The following EML3 variants were observed in gnomAD, a reference collection of about 807,000 sequenced individuals.
EML3 encodes the protein EMAP like 3.
A neutral mutation model predicts 106.7 loss-of-function variants in EML3; 53 were observed. That is an observed-to-expected ratio of 0.50 (90% CI 0.40 to 0.62). EML3 has a LOEUF of 0.62. Ranked by LOEUF, EML3 falls within the 20% of genes least tolerant of loss-of-function variation. The probability of loss-of-function intolerance (pLI) is 0.00; values close to 1 mark genes in which losing one functional copy is unlikely to be tolerated. For synonymous variants in EML3, 499 were observed against 489.6 expected (o/e 1.02, Z -0.25); for missense variants, 994 against 1,209.1 (o/e 0.82, Z 2.64).
Position 62,611,615 on chromosome 11 carries a change from G to T in EML3, c.23-19C>A. 6.2e-7 allele frequency: 1 copy of T among 1,608,220 alleles called. No individual in the cohort carries two copies. The highest frequency in any genetic ancestry group is 1.7e-5 in the Admixed American group (1 of 59,020). ...CCGTCACCTGGGAAAAGGGCAAGAG[G>T]TACTCAGAATGTACCCATCACCTGA... On this transcript the variant is annotated intron_variant, in intron 1 of 21. Transcript: ENST00000394773.
Position 62,603,960 on chromosome 11 carries a change from C to T in EML3, c.2153G>A (p.Arg718His), listed in dbSNP as rs1340847328. The change falls in exon 18 of 22, where the codon CGC becomes CAC. Residue 718 changes from arginine (R) to histidine (H), a missense_variant. Arg to His is a conservative substitution (Grantham distance 29). Transcript: ENST00000394773. ...SVSSDGAKSS[R>H]FGRCMGHSSF... ...CTTCCTCACCATACAGCGGCCAAAG[C>T]GGCTGGATTTGGCACCATCACTGGA... 5 of 1,613,960 alleles carry T rather than the reference C, an allele frequency of 3.1e-6. No homozygotes were observed. The highest frequency in any genetic ancestry group is 4.2e-6 in the Non-Finnish European group (5 of 1,180,042).
In EML3 at chr11:62,609,212, C is replaced by G. The variant is rs1036798918; in HGVS notation, c.759-80G>C. On this transcript the variant is annotated intron_variant, in intron 6 of 21. Transcript: ENST00000394773. ...GAGGGGAGAAAGACAGAGCTTCTGG[C>G]TGGCAGGGCCTAGAGCAGAATGATG... 1.2e-5 allele frequency: 19 copies of G among 1,590,202 alleles called. No homozygotes were observed. In the African/African-American group the frequency reaches 2.3e-4, roughly 19 times the overall value.
In EML3 at chr11:62,608,593, A is replaced by G. The variant is rs768276464; in HGVS notation, c.1059T>C (p.Ile353=). 11 of 1,614,066 alleles carry G rather than the reference A, an allele frequency of 6.8e-6. No individual in the cohort carries two copies. The African/African-American group carries it at 1.5e-4, about 22-fold the overall frequency. ...DSETLLKLQE[I]GLGAFERGVG... is the part of the protein sequence containing the mutation. ...CACCCCGCTCGAAGGCCCCCAGTCCAATCTCCTGCAGTTTCAACAGCGTCT... is the reference window on the plus strand; with the variant it reads ...CACCCCGCTCGAAGGCCCCCAGTCCGATCTCCTGCAGTTTCAACAGCGTCT... The change falls in exon 9 of 22, where the codon ATT becomes ATC. Residue 353 remains isoleucine, a synonymous_variant. Coordinates refer to ENST00000394773, the MANE Select transcript of EML3 (RefSeq NM_153265.3).
At chr11:62,611,788 G>A (rs552500868) in intron 1 of EML3, 192 bp from the exon 2 acceptor site, 5 of 641,720 alleles carry the variant, frequency 7.8e-6, no homozygotes, top group South Asian at 6.3e-5. Flanking sequence ...CAGGGCAGGC[G>A]AGAAACCTGG....
chr11:62,602,508 G>C lies in EML3; in HGVS notation c.2658C>G (p.Pro886=), dbSNP rs984880588. Residue 886 remains proline, a synonymous_variant, in exon 22 of 22, where the codon CCC becomes CCG. Coordinates refer to ENST00000394773, the MANE Select transcript of EML3 (RefSeq NM_153265.3). ...CGAGGGAGGAGGCGGGGGACAGGGA[G>C]GGGGTTCGAGAGGGCGTGGCGGGCG... The part of the protein sequence containing the change: ...GPAPATPSRT[P]SLSPASSLDV 9.7e-5 allele frequency: 148 copies of C among 1,519,206 alleles called. No homozygotes were observed. Among genetic ancestry groups the C allele is most frequent in the Non-Finnish European group, 1.3e-4 (147 of 1,132,024 alleles). 94.1% of individuals were successfully genotyped at this position (1,519,206 alleles called of 1,614,324 possible). A position where few individuals can be genotyped will look rare whatever the true frequency, so the allele number is the denominator to read the frequency against.
At chr11:62,603,667 C>G (rs117283860) in intron 19 of EML3, 62 bp downstream of exon 19, 117 of 1,394,298 alleles carry the variant, frequency 8.4e-5, no homozygotes, top group South Asian at 2.8e-4. Flanking sequence ...CTCTAACAGC[C>G]CCCCCTACAC....
At position 62,604,125 on chromosome 11, in the gene EML3, G is replaced by C; in HGVS notation, c.2059C>G (p.Arg687Gly). 1 of 1,613,986 alleles carries C rather than the reference G, an allele frequency of 6.2e-7. No individual in the cohort carries two copies. The highest frequency in any genetic ancestry group is 8.5e-7 in the Non-Finnish European group (1 of 1,180,006). Reference protein sequence around the residue: ...IDGNEQLSVVRYSPDGLYLAI... With the variant: ...IDGNEQLSVVGYSPDGLYLAI... ...GGGTGGCTCCCACCTGGGCTGTACC[G>C]GACCACTGAGAGCTGCTCATTGCCA... The change falls in exon 17 of 22, where the codon CGG becomes GGG. Residue 687 changes from arginine to glycine, a missense_variant. Arg to Gly is a moderately radical substitution (Grantham distance 125). Transcript: ENST00000394773.
intron 11 of EML3, 176 bp from the exon 12 acceptor site, chr11:62,607,275 C>A (rs1028593168): frequency 1.5e-6 from 1 of 664,752 alleles, no homozygotes; most frequent in Non-Finnish European, 2.5e-6. Context: ...TGGTGAAATC[C>A]CGCACTGCAC....
At chr11:62,606,814 G>A (rs1216553982) in intron 12 of EML3, 144 bp downstream of exon 12, 13 of 880,810 alleles carry the variant, frequency 1.5e-5, no homozygotes, top group African/African-American at 1.4e-4. Context: ...CCAAGATCGC[G>A]CCACTGCAAT....
chr11:62,605,777 C>A lies in EML3; in HGVS notation c.1783-4G>T. 6.3e-7 allele frequency: 1 copy of A among 1,597,764 alleles called. No individual in the cohort carries two copies. Among genetic ancestry groups the A allele is most frequent in the Non-Finnish European group, 8.5e-7 (1 of 1,170,492 alleles). On this transcript the variant is annotated splice_region_variant and splice_polypyrimidine_tract_variant and intron_variant, in intron 14 of 21. Transcript: ENST00000394773. The surrounding 1 kb of genome is among the most constrained non-coding windows in gnomAD (Gnocchi z 5.2). ...CCCAGAGCTCATCAGTGTGGCCCTGCAGCACAGCATGACTGTCACTCCTGC... is the reference window on the plus strand; with the variant it reads ...CCCAGAGCTCATCAGTGTGGCCCTGAAGCACAGCATGACTGTCACTCCTGC...
chr11:62,606,287 C>G (rs986964879), intron 12 of EML3, 73 bp from the exon 13 acceptor site: 1 of 1,535,400 alleles, frequency 6.5e-7, no homozygotes, highest in Non-Finnish European at 8.8e-7. Flanking sequence ...GCTTGGCTGT[C>G]GCAATACAGT....
At chr11:62,612,382 G>A in intron 1 of EML3, 54 bp downstream of exon 1, 2 of 1,489,660 alleles carry the variant, frequency 1.3e-6, no homozygotes, top group Non-Finnish European at 1.8e-6. Flanking sequence ...GGCATAACCC[G>A]ACGAGCCGGG....
chr11:62,603,790 A>G lies in EML3; in HGVS notation c.2196T>C (p.Leu732=), dbSNP rs1189310305. The G allele has an allele frequency of 1.2e-6, 2 of 1,614,212 alleles. No homozygotes were observed. Among genetic ancestry groups the G allele is most frequent in the South Asian group, 1.1e-5 (1 of 91,088 alleles). Residue 732 remains leucine (L), a synonymous_variant, in exon 19 of 22, where the codon CTT becomes CTC. Coordinates refer to ENST00000394773, the MANE Select transcript of EML3 (RefSeq NM_153265.3). The stretch of plus-strand genomic sequence containing the variant: ...TGAAATTCCCATCCTTGGACCAGTC[A>G]AGATGAGTGATGAAGCTGGAGTGAC... ...CMGHSSFITH[L]DWSKDGNFIM...
At chr11:62,609,833 A>G in intron 4 of EML3, 137 bp from the exon 5 acceptor site, 1 of 702,754 alleles carries the variant, frequency 1.4e-6, no homozygotes, top group Non-Finnish European at 2.4e-6. Flanking sequence ...CGTGAGTATC[A>G]GGGCCCTAGT....
chr11:62,611,805 T>C (rs1347673214), intron 1 of EML3: 5 of 596,184 alleles, frequency 8.4e-6, no homozygotes, highest in African/African-American at 1.9e-5. Flanking sequence ...CTGGCAAAGC[T>C]CCCTTCCTGC....
intron 17 of EML3, 32 bp from the exon 18 acceptor site, chr11:62,604,073 C>T (rs1210689883): frequency 6.2e-7 from 1 of 1,613,876 alleles, no homozygotes; most frequent in Non-Finnish European, 8.5e-7. Flanking sequence ...GAGGGAAGGG[C>T]CAGGGACGCA....
chr11:62,603,102 C>T, intron 20 of EML3, 47 bp downstream of exon 20: 2 of 1,604,788 alleles, frequency 1.2e-6, no homozygotes, highest in Non-Finnish European at 1.7e-6. Flanking sequence ...AAACTGGGCT[C>T]CACCTTGTCC....
Position 62,609,397 on chromosome 11 carries a change from G to A in EML3, c.715C>T (p.Leu239=). ...GTCTCTGGCGGTGGGCCACTCGGCA[G>A]CTCCTCAAGGCTGCGGATGCCAGAC... ...IPSGIRSLEE[L]PSGPPPETLS... is the part of the protein sequence containing the mutation. Residue 239 remains leucine (L), a synonymous_variant, in exon 6 of 22, where the codon CTG becomes TTG. Coordinates refer to ENST00000394773, the MANE Select transcript of EML3 (RefSeq NM_153265.3). 6 of 1,599,216 alleles carry A rather than the reference G, an allele frequency of 3.8e-6. No homozygotes were observed. The highest frequency in any genetic ancestry group is 5.1e-6 in the Non-Finnish European group (6 of 1,172,276).
Position 62,602,645 on chromosome 11 carries a change from G to A in EML3, c.2521C>T (p.His841Tyr). 1 of 1,593,854 alleles carries A rather than the reference G, an allele frequency of 6.3e-7. No individual in the cohort carries two copies. ...TGCGTGAATCGGACGCTGGTCACGT[G>A]GCTGCCGTGGCCCCCGTACATGCGG... Reference protein sequence around the residue: ...PSRMYGGHGSHVTSVRFTHDD... With the variant: ...PSRMYGGHGSYVTSVRFTHDD... Residue 841 changes from histidine (H) to tyrosine (Y), a missense_variant, in exon 22 of 22, where the codon CAC becomes TAC. Around this residue, in one of 3 missense-constraint regions of EML3, gnomAD observed 713 missense variants for 920.5 expected, o/e 0.77. Transcript: ENST00000394773.
Sources: gnomAD v4.1 joint callset for allele counts on GRCh38, gnomAD v4.1.1 for gene constraint, gnomAD v4.1.1 regional missense constraint, Gnocchi (gnomAD v3.1) non-coding constraint, MANE v1.5 for transcripts, NCBI Gene and HGNC (gene_info 2026-07-23, HGNC 2026-07-21) for gene names.